The following FIRRM variants were observed in gnomAD, a reference collection of about 807,000 sequenced individuals.
The protein encoded by FIRRM is FIGNL1-interacting regulator of recombination and mitosis.
chr1:169,827,706 G>A, the FIRRM span: 105 of 1,613,622 alleles, frequency 6.5e-5, no homozygotes, highest in Admixed American at 8.0e-4. Flanking sequence ...TTTATTACAT[G>A]TAAGACCTGC....
the FIRRM span, among the ~76,000 whole-genome samples, chr1:169,833,079 T>A: frequency 6.6e-6 from 1 of 152,198 alleles, no homozygotes; most frequent in East Asian, 1.9e-4. Flanking sequence ...CATATATATT[T>A]GAGATACATG....
the FIRRM span, among the ~76,000 whole-genome samples, chr1:169,824,683 C>T: frequency 6.6e-6 from 1 of 152,176 alleles, no homozygotes; most frequent in Admixed American, 6.5e-5. Context: ...GTCAGTAGCA[C>T]TTGATCCTCT....
the FIRRM span, among the ~76,000 whole-genome samples, chr1:169,815,969 G>T: frequency 3.3e-5 from 5 of 152,092 alleles, no homozygotes; most frequent in African/African-American, 1.2e-4. Context: ...GTAGAGAGGA[G>T]ATCAGTCAGA....
At chr1:169,830,147 T>C in the FIRRM span, 1 of 827,672 alleles carries the variant, frequency 1.2e-6, no homozygotes, top group African/African-American at 1.7e-5. Context: ...CCATTGAGGA[T>C]CTGTTATTTG....
the FIRRM span, chr1:169,798,961 A>G: frequency 8.0e-7 from 1 of 1,252,980 alleles, no homozygotes; most frequent in Non-Finnish European, 1.1e-6. Context: ...GCATATTCGT[A>G]AGTAAAATTG....
the FIRRM span, chr1:169,795,163 C>T: frequency 1.3e-6 from 2 of 1,536,068 alleles, no homozygotes; most frequent in Non-Finnish European, 1.7e-6. Context: ...AAGTAGCTGG[C>T]CAGAGGAGCT....
the FIRRM span, chr1:169,795,316 A>G: frequency 7.0e-6 from 10 of 1,425,514 alleles, no homozygotes; most frequent in Non-Finnish European, 9.4e-6. Flanking sequence ...GGGTTATATT[A>G]CCGCGGCCTG....
chr1:169,840,699 A>G, the FIRRM span, among the ~76,000 whole-genome samples: 1 of 151,642 alleles, frequency 6.6e-6, no homozygotes, highest in Non-Finnish European at 1.5e-5. Flanking sequence ...TTTAGTAGAG[A>G]TGGGGTCTCA....
chr1:169,829,490 T>C, the FIRRM span: 17 of 1,518,326 alleles, frequency 1.1e-5, no homozygotes, highest in South Asian at 1.9e-4. Context: ...GGTTACACTT[T>C]TGCTTTCTCT....
the FIRRM span, among the ~76,000 whole-genome samples, chr1:169,815,437 G>C: frequency 1.3e-5 from 2 of 152,128 alleles, no homozygotes; most frequent in Non-Finnish European, 2.9e-5. Flanking sequence ...TGGGAAAGGG[G>C]TGGGCAATTC....
chr1:169,828,241 T>C, the FIRRM span, among the ~76,000 whole-genome samples: 1 of 152,168 alleles, frequency 6.6e-6, no homozygotes, highest in African/African-American at 2.4e-5. Flanking sequence ...TCTAGTTTCT[T>C]TCTTCCTGGA....
chr1:169,852,091 T>G, the FIRRM span: 1 of 1,022,076 alleles, frequency 9.8e-7, no homozygotes, highest in Non-Finnish European at 1.5e-6. Context: ...GGTAGTTGCT[T>G]TTAAAATTAA....
the FIRRM span, among the ~76,000 whole-genome samples, chr1:169,785,765 G>A: frequency 6.6e-6 from 1 of 152,170 alleles, no homozygotes; most frequent in African/African-American, 2.4e-5. Context: ...TAGGGCTATA[G>A]ATTTTCAGGC....
chr1:169,850,018 A>G, the FIRRM span: 1 of 532,290 alleles, frequency 1.9e-6, no homozygotes, highest in Admixed American at 3.2e-5. Flanking sequence ...GCCTATGATC[A>G]TAAGGGAGTC....
the FIRRM span, among the ~76,000 whole-genome samples, chr1:169,834,294 T>C: frequency 3.9e-5 from 6 of 152,308 alleles, no homozygotes; most frequent in East Asian, 1.2e-3. Context: ...GTACAAGTTA[T>C]TGTGATAAAA....
the FIRRM span, among the ~76,000 whole-genome samples, chr1:169,841,869 A>C: frequency 7.2e-5 from 11 of 152,154 alleles, no homozygotes; most frequent in Non-Finnish European, 1.3e-4. Context: ...TTGGGTTACC[A>C]ACATTTCACC....
the FIRRM span, chr1:169,793,589 G>C: frequency 2.5e-6 from 4 of 1,614,136 alleles, no homozygotes; most frequent in Non-Finnish European, 3.4e-6. Context: ...TTGACTTTCT[G>C]AGACTGACAG....
At chr1:169,810,834 A>AATTTT in the FIRRM span, among the ~76,000 whole-genome samples, 12 of 61,208 alleles carry the variant, frequency 2.0e-4, 1 homozygote, top group East Asian at 5.5e-3. Flanking sequence ...TTAGCCCCCA[A>AATTTT]TTTTTTTTTT....
chr1:169,791,546 A>G, the FIRRM span, among the ~76,000 whole-genome samples: 2 of 152,208 alleles, frequency 1.3e-5, no homozygotes, highest in Non-Finnish European at 2.9e-5. Context: ...GGAGCAAATC[A>G]ATTAACTTCT....
Sources: gnomAD v4.1 joint callset for allele counts (sites outside exome capture counted in the v4.1 genomes callset) on GRCh38, gnomAD v4.1.1 for gene constraint, MANE v1.5 for transcripts, NCBI Gene and HGNC (gene_info 2026-07-23, HGNC 2026-07-21) for gene names.